Variants in RBFOX1 observed in about 807,000 individuals in gnomAD.
RBFOX1 encodes the protein RNA binding fox-1 homolog 1.
Under a neutral mutation model 57.7 loss-of-function variants are expected in RBFOX1, and 8 were observed. That is an observed-to-expected ratio of 0.14 (90% CI 0.08 to 0.25). The LOEUF is 0.25. Among genes scored for constraint, RBFOX1 ranks in the 10% least tolerant of loss-of-function variants. RBFOX1 has a pLI of 1.00. For synonymous variants in RBFOX1, 326 were observed against 222.4 expected (o/e 1.47, Z -4.15); for missense variants, 611 against 548.5 (o/e 1.11, Z -1.14).
chr16:5,655,430 C>T (rs139508685), intron 3 of RBFOX1, among the ~76,000 whole-genome samples: 7 of 152,326 alleles, frequency 4.6e-5, no homozygotes, highest in African/African-American at 1.7e-4. Flanking sequence ...TGAGGCTTTT[C>T]ATGAGCATAT....
intron 4 of RBFOX1, among the ~76,000 whole-genome samples, chr16:7,094,369 C>T (rs1483054787): frequency 2.6e-5 from 4 of 151,582 alleles, no homozygotes; most frequent in African/African-American, 4.8e-5. Context: ...CCATTGTCTT[C>T]CATTTATTAT....
At chr16:6,376,456 G>T (rs1012990325) in intron 2 of RBFOX1, among the ~76,000 whole-genome samples, 12 of 152,206 alleles carry the variant, frequency 7.9e-5, no homozygotes, top group Admixed American at 3.3e-4. Context: ...CATTAAGGGT[G>T]AATCCTTCGT....
At position 6,906,898 on chromosome 16, in the gene RBFOX1, A is replaced by G. The variant is rs145791958; in HGVS notation, c.-15-145159A>G. Among the ~76,000 whole-genome samples the G allele has an allele frequency of 3.8e-4, 57 of 151,836 alleles. No individual in the cohort carries two copies. In the East Asian group the frequency reaches 9.7e-3, roughly 26 times the overall value. ...CCACCCCACCTGGTTAATTTTTTGT[A>G]TTTTTAGTAGAGATGGGGTTTCACC... On this transcript the variant is annotated intron_variant, in intron 3 of 15. Coordinates refer to ENST00000550418, the MANE Select transcript of RBFOX1 (RefSeq NM_018723.4).
At chr16:6,390,892 A>G (rs2092567274) in intron 2 of RBFOX1, among the ~76,000 whole-genome samples, 1 of 152,072 alleles carries the variant, frequency 6.6e-6, no homozygotes, top group Non-Finnish European at 1.5e-5. Flanking sequence ...GCAGCATGGA[A>G]TGAAGTGGAG....
chr16:7,051,559 C>T (rs147859610), intron 3 of RBFOX1, among the ~76,000 whole-genome samples: 2 of 152,340 alleles, frequency 1.3e-5, no homozygotes, highest in East Asian at 3.9e-4. Flanking sequence ...GACTTACTAC[C>T]ATCTGATTAG....
At chr16:5,588,582 C>T (rs1465996747) in intron 2 of RBFOX1, among the ~76,000 whole-genome samples, 1 of 152,102 alleles carries the variant, frequency 6.6e-6, no homozygotes, top group East Asian at 1.9e-4. Flanking sequence ...TTTTGTGTCT[C>T]TATGACCGAG....
intron 2 of RBFOX1, among the ~76,000 whole-genome samples, chr16:6,501,136 T>TC (rs1264153320): frequency 6.7e-6 from 1 of 149,254 alleles, no homozygotes; most frequent in African/African-American, 2.5e-5. Context: ...ACATTCTTTT[T>TC]TTTTTTTTTT....
At chr16:5,595,551 A>C (rs1182671238) in intron 2 of RBFOX1, among the ~76,000 whole-genome samples, 2 of 152,210 alleles carry the variant, frequency 1.3e-5, no homozygotes, top group Non-Finnish European at 2.9e-5. Flanking sequence ...AAAGGGTTGC[A>C]GATCAGATCT....
At chr16:6,800,407 T>G (rs1047538313) in intron 3 of RBFOX1, among the ~76,000 whole-genome samples, 1 of 152,134 alleles carries the variant, frequency 6.6e-6, no homozygotes, top group Non-Finnish European at 1.5e-5. Flanking sequence ...TGCTTCTCAC[T>G]CTTTAACAGT....
intron 2 of RBFOX1, among the ~76,000 whole-genome samples, chr16:6,378,563 C>T (rs1029023407): frequency 6.6e-6 from 1 of 152,156 alleles, no homozygotes; most frequent in African/African-American, 2.4e-5. Context: ...GGAGTGTGCA[C>T]ATGCCCACCC....
In RBFOX1 at chr16:5,823,759, G is replaced by A. The variant is rs113910104; in HGVS notation, c.319-43544G>A. 1.7e-3 allele frequency among the ~76,000 whole-genome samples: 264 copies of A among 152,292 alleles called. 1 individual carries two copies. The highest frequency in any genetic ancestry group is 6.0e-3 in the African/African-American group (251 of 41,550). ...ATGAGAATTTAATGCCCGATGATCT[G>A]TCACTGTCTCCCATCACCCCCAGAT... On this transcript the variant is annotated intron_variant, in intron 3 of 19. Transcript: ENST00000641259.
In RBFOX1 at chr16:7,210,236, C is replaced by T. The variant is rs900084168; in HGVS notation, c.27+158138C>T. ...CTTCTATAGGTTAAGAGATTTATTG[C>T]AAGGGAGTACTTATAGGATTGCGAG... On this transcript the variant is annotated intron_variant, in intron 4 of 15. Transcript: ENST00000550418. Among the ~76,000 whole-genome samples, 4 of 152,114 alleles carry T rather than the reference C, an allele frequency of 2.6e-5. No individual in the cohort carries two copies. The East Asian group carries it at 5.8e-4, about 22-fold the overall frequency.
At chr16:7,345,400 G>A (rs905166233) in intron 4 of RBFOX1, among the ~76,000 whole-genome samples, 2 of 152,200 alleles carry the variant, frequency 1.3e-5, no homozygotes, top group Admixed American at 1.3e-4. Context: ...TGTTCGGGCA[G>A]CCCTGTATTT....
chr16:6,238,097 A>AT (rs1334873725), intron 1 of RBFOX1, among the ~76,000 whole-genome samples: 2 of 151,206 alleles, frequency 1.3e-5, no homozygotes, highest in Admixed American at 6.6e-5. Flanking sequence ...TCTCAAAAAA[A>AT]AAAAAAAAAA....
intron 4 of RBFOX1, among the ~76,000 whole-genome samples, chr16:7,256,681 G>C (rs2094698791): frequency 6.6e-6 from 1 of 152,138 alleles, no homozygotes; most frequent in Non-Finnish European, 1.5e-5. Flanking sequence ...CACCCCTTTA[G>C]GGTAAATAAT....
rs868671036 is a variant in RBFOX1 at position 5,827,404 on chromosome 16, A to G, written c.319-39899A>G. 9.9e-3 allele frequency among the ~76,000 whole-genome samples: 1,430 copies of G among 144,928 alleles called. 22 individuals carry two copies. Among genetic ancestry groups the G allele is most frequent in the Middle Eastern group, 0.033 (9 of 272 alleles). On this transcript the variant is annotated intron_variant, in intron 3 of 19. Coordinates refer to the RBFOX1 transcript ENST00000641259. The stretch of plus-strand genomic sequence containing the variant: ...GACAGAGCAAGACTCCATCTCAGGG[A>G]AAAAAAAAAAAAAAAAAGAAAAGAA...
intron 4 of RBFOX1, among the ~76,000 whole-genome samples, chr16:7,106,569 G>C (rs1293279459): frequency 6.6e-6 from 1 of 151,838 alleles, no homozygotes; most frequent in Non-Finnish European, 1.5e-5. Context: ...ATGTGCTTAG[G>C]GACTTCTTTT....
chr16:7,067,307 AC>A (rs1196369085), intron 4 of RBFOX1, among the ~76,000 whole-genome samples: 1 of 82,098 alleles, frequency 1.2e-5, no homozygotes, highest in Non-Finnish European at 3.0e-5. Flanking sequence ...ACAAATTACC[AC>A]AAAAAAAATA....
chr16:7,385,221 T>C (rs2097855897), intron 4 of RBFOX1, among the ~76,000 whole-genome samples: 1 of 152,190 alleles, frequency 6.6e-6, no homozygotes, highest in Admixed American at 6.5e-5. Flanking sequence ...TTCACAAAGA[T>C]GACTGCTTGC....
Sources: allele counts gnomAD v4.1 joint callset (sites outside exome capture counted in the v4.1 genomes callset), GRCh38; gene constraint gnomAD v4.1.1; transcripts MANE v1.5; gene names NCBI Gene and HGNC (gene_info 2026-07-23, HGNC 2026-07-21).